Variants in ABCA3 observed in about 807,000 individuals in gnomAD.
ABCA3 encodes the protein ATP binding cassette subfamily A member 3.
ABCA3 carries 88 observed loss-of-function variants against 172.8 expected under a neutral mutation model. That is an observed-to-expected ratio of 0.51 (90% CI 0.43 to 0.61). The LOEUF (loss-of-function observed/expected upper bound fraction) is 0.61. Ranked by LOEUF, ABCA3 falls within the 20% of genes least tolerant of loss-of-function variation. The pLI, the probability that ABCA3 is intolerant of heterozygous loss-of-function variation, is 0.00. For missense variants in ABCA3, 2,164 were observed against 2,301.0 expected (o/e 0.94, Z 1.22); for synonymous variants, 1,066 against 983.8 (o/e 1.08, Z -1.56).
rs1161517119 is a variant in ABCA3, at chr16:2,308,695, C to T, written c.1112-72G>A. On this transcript the variant is annotated intron_variant, in intron 10 of 32. Transcript: ENST00000301732. ...AAAGGGGCTTGGGCTCCCCGAGGTA[C>T]AGGCAACCCCCTACTCCTGGGGCCG... 23 of 1,576,918 alleles carry T rather than the reference C, an allele frequency of 1.5e-5. No individual in the cohort carries two copies. The South Asian group carries it at 2.4e-4, about 16-fold the overall frequency.
intron 1 of ABCA3, among the ~76,000 whole-genome samples, chr16:2,335,645 G>A (rs902238657): frequency 2.0e-5 from 3 of 152,180 alleles, no homozygotes; most frequent in African/African-American, 7.2e-5. Flanking sequence ...GTGGCATCCT[G>A]ACTGAGGAGG....
intron 10 of ABCA3, among the ~76,000 whole-genome samples, chr16:2,311,704 T>C (rs565004291): frequency 1.3e-5 from 2 of 152,330 alleles, no homozygotes; most frequent in East Asian, 3.9e-4. Context: ...GTATTTTTAA[T>C]AGAGACGGGG....
intron 7 of ABCA3, among the ~76,000 whole-genome samples, chr16:2,321,609 A>C (rs184168488): frequency 6.5e-4 from 99 of 152,208 alleles, no homozygotes; most frequent in African/African-American, 2.3e-3. Context: ...AGCTAAGCCT[A>C]GTCCTGGGTC....
In ABCA3 at chr16:2,321,937, T is replaced by C. The variant is rs532650305; in HGVS notation, c.613+1586A>G. 8.5e-5 allele frequency among the ~76,000 whole-genome samples: 13 copies of C among 152,240 alleles called. No homozygotes were observed. The East Asian group carries it at 2.3e-3, about 27-fold the overall frequency. On this transcript the variant is annotated intron_variant, in intron 7 of 32. Coordinates refer to ENST00000301732, the MANE Select transcript of ABCA3 (RefSeq NM_001089.3). ...ACGTACAGCCGGGTGTGGTGGCTCATGCCTGTAATCCCAGAACTTTGGGAA... is the reference window on the plus strand; with the variant it reads ...ACGTACAGCCGGGTGTGGTGGCTCACGCCTGTAATCCCAGAACTTTGGGAA...
At chr16:2,298,261 G>A in intron 15 of ABCA3, 125 bp downstream of exon 15, 1 of 1,470,932 alleles carries the variant, frequency 6.8e-7, no homozygotes, top group East Asian at 2.3e-5. Context: ...TGACGTAGCT[G>A]GACTCAGAAC....
Position 2,284,726 on chromosome 16 carries a change from G to C in ABCA3, c.3703+53C>G. 6.4e-7 allele frequency: 1 copy of C among 1,564,188 alleles called. No homozygotes were observed. The highest frequency in any genetic ancestry group is 8.7e-7 in the Non-Finnish European group (1 of 1,149,610). On this transcript the variant is annotated intron_variant, in intron 24 of 32. Transcript: ENST00000301732. This position sits in a 1 kb window ranked among gnomAD's most constrained non-coding sequence, Gnocchi z 5.9. ...GTGGCTGGTGCCTCCCTGTCTGGGC[G>C]GAGTGGCTCCGTGGATGGCCATGGG...
chr16:2,290,781 C>T (rs772948335), intron 19 of ABCA3, among the ~76,000 whole-genome samples: 1 of 152,230 alleles, frequency 6.6e-6, no homozygotes, highest in Non-Finnish European at 1.5e-5. Flanking sequence ...GTCCCCAGAG[C>T]ATGCACCACC....
chr16:2,287,236 G>A lies in ABCA3; in HGVS notation c.3005-269C>T, dbSNP rs995313901. Among the ~76,000 whole-genome samples the A allele has an allele frequency of 6.6e-6, 1 of 152,076 alleles. No individual in the cohort carries two copies. Among genetic ancestry groups the A allele is most frequent in the Non-Finnish European group, 1.5e-5 (1 of 68,026 alleles). ...AGTAGGTTCCATTAACCAGAGCACG[G>A]TCCCTGTTCTGAGCCTGGGGCAGTA... On this transcript the variant is annotated intron_variant, in intron 21 of 32. Coordinates refer to ENST00000301732, the MANE Select transcript of ABCA3 (RefSeq NM_001089.3). The surrounding 1 kb of genome is among the most constrained non-coding windows in gnomAD (Gnocchi z 4.1).
Position 2,288,129 on chromosome 16 carries a change from G to C in ABCA3, c.2901C>G (p.Val967=), listed in dbSNP as rs768316165. Residue 967 remains valine, a synonymous_variant, in exon 21 of 33, where the codon GTC becomes GTG. Transcript: ENST00000301732. ...AGGTCCCGGGAACTGAGAAGGGCAC[G>C]ACGGTTCTGCCGTACTCGCCCAAGG... ...RLTLGEYGRT[V]VPFSVPGTSQ... The C allele has an allele frequency of 1.2e-6, 2 of 1,612,994 alleles. No individual in the cohort carries two copies. The highest frequency in any genetic ancestry group is 1.7e-6 in the Non-Finnish European group (2 of 1,179,586).
rs1246422010 is a variant in ABCA3, at chr16:2,277,497, C to A, written c.4983+100G>T. On this transcript the variant is annotated intron_variant, in intron 32 of 32. Transcript: ENST00000301732. The surrounding 1 kb of genome is among the most constrained non-coding windows in gnomAD (Gnocchi z 5.3). Reference sequence around the variant, plus strand: ...TTAGGGGAGAAATGGAAAGTGACTCCTCTGTGGAAAGAGCCTGCAGTCACC... The same window carrying A: ...TTAGGGGAGAAATGGAAAGTGACTCATCTGTGGAAAGAGCCTGCAGTCACC... The A allele has an allele frequency of 1.6e-5, 20 of 1,274,598 alleles. No homozygotes were observed. The highest frequency in any genetic ancestry group is 2.2e-5 in the Non-Finnish European group (20 of 891,650). 79.0% of individuals were successfully genotyped at this position (1,274,598 alleles called of 1,614,324 possible).
Position 2,297,582 on chromosome 16 carries a change from C to T in ABCA3, c.2053-43G>A, listed in dbSNP as rs200533798. 16 of 1,607,636 alleles carry T rather than the reference C, an allele frequency of 1.0e-5. No homozygotes were observed. In the Admixed American group the frequency reaches 1.8e-4, roughly 18 times the overall value. On this transcript the variant is annotated intron_variant, in intron 16 of 32. Transcript: ENST00000301732. This position sits in a 1 kb window ranked among gnomAD's most constrained non-coding sequence, Gnocchi z 5.6. ...GTCTCGCGACGCTGGTAGAGCCACA[C>T]CCCGGGCCCAGGCTGGCCTTGCGGT... is the stretch of plus-strand genomic sequence containing the variant.
In ABCA3 at chr16:2,283,597, C is replaced by T. The variant is rs1053429570; in HGVS notation, c.3863-239G>A. On this transcript the variant is annotated intron_variant, in intron 25 of 32. Coordinates refer to ENST00000301732, the MANE Select transcript of ABCA3 (RefSeq NM_001089.3). This position sits in a 1 kb window ranked among gnomAD's most constrained non-coding sequence, Gnocchi z 5.4. ...GAGCGACATGGCAGACCCAGGGCAG[C>T]AACAGCCCGCCTGAGAGGCACAGGC... 1 of 522,712 alleles carries T rather than the reference C, an allele frequency of 1.9e-6. No individual in the cohort carries two copies. Among genetic ancestry groups the T allele is most frequent in the Non-Finnish European group, 3.5e-6 (1 of 288,524 alleles). The allele number at this position is 522,712 out of a possible 1,614,324, so 32.4% of individuals were successfully genotyped here. A position where few individuals can be genotyped will look rare whatever the true frequency, so the allele number is the denominator to read the frequency against.
chr16:2,323,968 C>G (rs1002285159), intron 6 of ABCA3, among the ~76,000 whole-genome samples: 6 of 152,180 alleles, frequency 3.9e-5, no homozygotes, highest in Non-Finnish European at 8.8e-5. Context: ...GGAGGGCCGC[C>G]AACCACAATG....
Position 2,295,655 on chromosome 16 carries a change from G to T in ABCA3, c.2349C>A (p.Asn783Lys). The T allele has an allele frequency of 6.2e-7, 1 of 1,614,074 alleles. No homozygotes were observed. The highest frequency in any genetic ancestry group is 8.5e-7 in the Non-Finnish European group (1 of 1,180,048). ...ISQLVHHHVP[N>K]ATLESSAGAE... ...CCCCAGCGCTGCTCTCCAGCGTGGC[G>T]TTGGGCACGTGGTGGTGGACCAGCT... The change falls in exon 18 of 33, where the codon AAC becomes AAA. Residue 783 changes from asparagine to lysine, a missense_variant. By Grantham distance (94) the Asn-to-Lys change is moderately conservative (BLOSUM62 0). Transcript: ENST00000301732.
At chr16:2,332,793 T>C (rs2093745529) in intron 1 of ABCA3, 4 of 693,874 alleles carry the variant, frequency 5.8e-6, no homozygotes, top group Non-Finnish European at 9.6e-6. Flanking sequence ...AGGCTTGAAT[T>C]TGCCACCCAA....
At chr16:2,303,717 G>A (rs2093693111) in intron 12 of ABCA3, among the ~76,000 whole-genome samples, 1 of 152,194 alleles carries the variant, frequency 6.6e-6, no homozygotes, top group Admixed American at 6.5e-5. Context: ...AGAGCAGCCG[G>A]TTCTCTGCAC....
chr16:2,330,288 C>CAAA (rs562749881), intron 1 of ABCA3, among the ~76,000 whole-genome samples: 1 of 77,900 alleles, frequency 1.3e-5, no homozygotes, highest in African/African-American at 4.0e-5. Flanking sequence ...GACCCTGTCT[C>CAAA]AAAAAAAAAA....
At chr16:2,290,507 G>T (rs980743371) in intron 19 of ABCA3, among the ~76,000 whole-genome samples, 1 of 152,206 alleles carries the variant, frequency 6.6e-6, no homozygotes, top group Non-Finnish European at 1.5e-5. Flanking sequence ...GACCTTGAGA[G>T]ACAAGAGGCC....
Position 2,283,128 on chromosome 16 carries a change from C to T in ABCA3, c.4035+58G>A, listed in dbSNP as rs920174844. On this transcript the variant is annotated intron_variant, in intron 26 of 32. Transcript: ENST00000301732. This position sits in a 1 kb window ranked among gnomAD's most constrained non-coding sequence, Gnocchi z 5.4. The stretch of plus-strand genomic sequence containing the variant: ...TGGAGCTGCCCCAGGTTGTGCTGGG[C>T]CCAAGCAGAGACGTGGGGAGCATCT... The T allele has an allele frequency of 9.6e-6, 15 of 1,560,522 alleles. No homozygotes were observed. The South Asian group carries it at 1.5e-4, about 15-fold the overall frequency.
Sources: allele counts gnomAD v4.1 joint callset (sites outside exome capture counted in the v4.1 genomes callset), GRCh38; gene constraint gnomAD v4.1.1; non-coding constraint Gnocchi (gnomAD v3.1); transcripts MANE v1.5; gene names NCBI Gene and HGNC (gene_info 2026-07-23, HGNC 2026-07-21).